The following PCDHA10 variants were observed in gnomAD, a reference collection of about 807,000 sequenced individuals.
PCDHA10 encodes the protein protocadherin alpha 10.
In PCDHA10, 45 loss-of-function variants were observed where a neutral mutation model predicts 61.2. The ratio of observed to expected loss-of-function variants is 0.74; its 90% CI spans 0.58 to 0.94. The LOEUF (loss-of-function observed/expected upper bound fraction) is 0.94. Ranked by LOEUF, PCDHA10 falls within the 40% of genes least tolerant of loss-of-function variation. PCDHA10 has a pLI of 0.00. For synonymous variants in PCDHA10, 602 were observed against 548.8 expected (o/e 1.10, Z -1.35); for missense variants, 1,278 against 1,236.2 (o/e 1.03, Z -0.51).
intron 3 of PCDHA10, among the ~76,000 whole-genome samples, chr5:141,004,088 T>G (rs797038928): frequency 3.4e-4 from 52 of 152,346 alleles, no homozygotes; most frequent in African/African-American, 1.2e-3. Flanking sequence ...GAAATGTGCT[T>G]CTTCCGTTTT....
intron 3 of PCDHA10, among the ~76,000 whole-genome samples, chr5:141,007,101 A>T (rs1412645072): frequency 6.6e-5 from 10 of 152,188 alleles, no homozygotes; most frequent in African/African-American, 1.7e-4. Flanking sequence ...TCTAGGGCCA[A>T]ACCCAAGGAA....
At chr5:140,976,833 C>T (rs2096733011) in intron 1 of PCDHA10, among the ~76,000 whole-genome samples, 1 of 152,140 alleles carries the variant, frequency 6.6e-6, no homozygotes, top group Non-Finnish European at 1.5e-5. Flanking sequence ...ATGAGCAAAA[C>T]AGATATAATC....
At chr5:140,987,990 C>T (rs57614084) in intron 3 of PCDHA10, among the ~76,000 whole-genome samples, 1 of 152,190 alleles carries the variant, frequency 6.6e-6, no homozygotes, top group African/African-American at 2.4e-5. Context: ...GACTCCATCT[C>T]TGATCCTTCC....
intron 1 of PCDHA10, among the ~76,000 whole-genome samples, chr5:140,940,470 A>G (rs182796886): frequency 4.7e-5 from 7 of 149,652 alleles, no homozygotes; most frequent in African/African-American, 9.8e-5. Flanking sequence ...GTTCCCTGCA[A>G]TTTTTTTTTT....
intron 1 of PCDHA10, among the ~76,000 whole-genome samples, chr5:140,960,268 C>T (rs909300103): frequency 3.3e-5 from 5 of 152,222 alleles, no homozygotes; most frequent in African/African-American, 7.2e-5. Context: ...TGATAAATTC[C>T]GTCACCTTTT....
chr5:140,915,960 G>A (rs1554197207), intron 1 of PCDHA10, among the ~76,000 whole-genome samples: 1 of 152,112 alleles, frequency 6.6e-6, no homozygotes, highest in Admixed American at 6.5e-5. Flanking sequence ...TTAGAAATTT[G>A]CCTGATATTT....
chr5:140,880,848 T>C (rs557784006), intron 1 of PCDHA10, among the ~76,000 whole-genome samples: 31 of 152,258 alleles, frequency 2.0e-4, no homozygotes, highest in African/African-American at 7.0e-4. Flanking sequence ...TGGTTGACTA[T>C]GTAGTCTAAT....
In PCDHA10 at chr5:141,003,361, G is replaced by A. The variant is rs2098120892; in HGVS notation, c.2537-6266G>A. Among the ~76,000 whole-genome samples the A allele has an allele frequency of 5.9e-5, 9 of 152,298 alleles. No individual in the cohort carries two copies. The South Asian group carries it at 1.9e-3, about 32-fold the overall frequency. On this transcript the variant is annotated intron_variant, in intron 3 of 3. Coordinates refer to ENST00000307360, the MANE Select transcript of PCDHA10 (RefSeq NM_018901.4). ...TTTGTTTGCTCTGTCACCCAGGCTG[G>A]AGTGCAGTGGTGCAATCTCAGCTCA...
chr5:140,954,845 C>G (rs1479368081), intron 1 of PCDHA10, among the ~76,000 whole-genome samples: 2 of 152,140 alleles, frequency 1.3e-5, no homozygotes, highest in African/African-American at 2.4e-5. Flanking sequence ...AAATCTTTGC[C>G]TGTGCCTATG....
intron 1 of PCDHA10, among the ~76,000 whole-genome samples, chr5:140,931,054 G>A (rs2087273007): frequency 6.6e-6 from 1 of 152,180 alleles, no homozygotes; most frequent in Admixed American, 6.5e-5. Context: ...CTTCAATGCT[G>A]TGTCTGGGAC....
chr5:140,892,058 T>C (rs1417540713), intron 1 of PCDHA10, among the ~76,000 whole-genome samples: 3 of 152,248 alleles, frequency 2.0e-5, no homozygotes, highest in African/African-American at 4.8e-5. Context: ...TCAAATTTAT[T>C]GTTACTTTGT....
intron 1 of PCDHA10, chr5:140,929,542 C>A (rs2086218387): frequency 1.9e-6 from 1 of 536,790 alleles, no homozygotes; most frequent in Non-Finnish European, 3.0e-6. Context: ...GAAACAAGGG[C>A]AAAAATTAAA....
At chr5:140,881,377 G>A (rs557722479) in intron 1 of PCDHA10, 222 of 984,702 alleles carry the variant, frequency 2.3e-4, no homozygotes, top group Non-Finnish European at 2.4e-4. Flanking sequence ...AATTGCAGCC[G>A]GCGGCGGTAA....
intron 1 of PCDHA10, among the ~76,000 whole-genome samples, chr5:140,878,522 C>A (rs1237264420): frequency 6.6e-6 from 1 of 152,072 alleles, no homozygotes; most frequent in Non-Finnish European, 1.5e-5. Flanking sequence ...AGTTGGTAAC[C>A]AACTGTGGCT....
Position 140,978,948 on chromosome 5 carries a change from G to A in PCDHA10, c.2389-1G>A, listed in dbSNP as rs1554239939. On this transcript the variant is annotated splice_acceptor_variant, in intron 1 of 3. Transcript: ENST00000307360. LOFTEE classifies it high-confidence loss of function. ...AGAAAACTCTCTTTGTGATTTTGCA[G>A]CCACGACAGCCCAACCCTGACTGGC... is the stretch of plus-strand genomic sequence containing the variant. 1 of 1,614,128 alleles carries A rather than the reference G, an allele frequency of 6.2e-7. No individual in the cohort carries two copies. The highest frequency in any genetic ancestry group is 8.5e-7 in the Non-Finnish European group (1 of 1,180,018).
intron 1 of PCDHA10, among the ~76,000 whole-genome samples, chr5:140,926,042 T>A (rs1316278838): frequency 2.0e-5 from 3 of 152,148 alleles, no homozygotes; most frequent in African/African-American, 7.2e-5. Context: ...CGGACACTAT[T>A]CCCCAACCTT....
In PCDHA10 at chr5:140,857,667, G is replaced by T. The variant is rs375722457; in HGVS notation, c.1619G>T (p.Gly540Val). 6.3e-6 allele frequency: 10 copies of T among 1,596,922 alleles called. No homozygotes were observed. The highest frequency in any genetic ancestry group is 4.5e-5 in the East Asian group (2 of 44,818). The change falls in exon 1 of 4, where the codon GGC becomes GTC. Residue 540 changes from glycine (G) to valine (V), a missense_variant. Gly to Val is a moderately radical substitution (Grantham distance 109). Transcript: ENST00000307360. ...LQFQVSARDG[G>V]VPPLGSNLTL... ...TTCCAGGTGAGCGCGCGCGATGGGG[G>T]CGTGCCGCCTCTGGGCAGCAACTTG...
At chr5:140,910,154 G>A (rs575042155) in intron 1 of PCDHA10, among the ~76,000 whole-genome samples, 234 of 152,310 alleles carry the variant, frequency 1.5e-3, no homozygotes, top group African/African-American at 4.9e-3. Flanking sequence ...ATTGATTGAG[G>A]GGAAATTGAT....
intron 1 of PCDHA10, among the ~76,000 whole-genome samples, chr5:140,879,326 T>C (rs1554170752): frequency 6.6e-6 from 1 of 152,232 alleles, no homozygotes. Flanking sequence ...CTCACTTTTT[T>C]AGTTTGTTCA....
Sources: gnomAD v4.1 joint callset for allele counts (sites outside exome capture counted in the v4.1 genomes callset) on GRCh38, gnomAD v4.1.1 for gene constraint, MANE v1.5 for transcripts, NCBI Gene and HGNC (gene_info 2026-07-23, HGNC 2026-07-21) for gene names.